The following SPAG9 variants were observed in gnomAD, a reference collection of about 807,000 sequenced individuals.
The protein encoded by SPAG9 is sperm associated antigen 9, also known as C-Jun-amino-terminal kinase-interacting protein 4.
SPAG9 carries 35 observed loss-of-function variants against 166.5 expected under a neutral mutation model. The observed-to-expected ratio is 0.21, with a 90% CI of 0.16 to 0.28. The LOEUF is 0.28. SPAG9 is among the 10% of genes least tolerant of loss of function. The pLI is 1.00. For missense variants in SPAG9, 1,235 were observed against 1,603.3 expected (o/e 0.77, Z 3.92); for synonymous variants, 534 against 565.5 (o/e 0.94, Z 0.79).
chr17:50,967,875 G>GT (rs1973479092), intron 29 of SPAG9, among the ~76,000 whole-genome samples: 1 of 152,192 alleles, frequency 6.6e-6, no homozygotes, highest in African/African-American at 2.4e-5. Context: ...AGACAAGTCT[G>GT]TTTTTCAGGC....
chr17:51,066,029 T>C (rs1235765645), intron 2 of SPAG9, among the ~76,000 whole-genome samples: 1 of 152,216 alleles, frequency 6.6e-6, no homozygotes, highest in Non-Finnish European at 1.5e-5. Flanking sequence ...TAGCTTAACA[T>C]ATATCAGCTT....
intron 4 of SPAG9, among the ~76,000 whole-genome samples, chr17:51,042,107 T>C (rs756131268): frequency 6.6e-6 from 1 of 152,184 alleles, no homozygotes; most frequent in African/African-American, 2.4e-5. Context: ...CTTTCCTGCC[T>C]AGAGGAAAAT....
chr17:51,102,839 G>T (rs2048844524), intron 1 of SPAG9, among the ~76,000 whole-genome samples: 1 of 152,046 alleles, frequency 6.6e-6, no homozygotes, highest in African/African-American at 2.4e-5. Flanking sequence ...TAGAGATGGG[G>T]TCTCGCTATG....
intron 1 of SPAG9, among the ~76,000 whole-genome samples, chr17:51,080,360 C>T (rs1263989229): frequency 6.8e-6 from 1 of 147,236 alleles, no homozygotes; most frequent in African/African-American, 2.5e-5. Flanking sequence ...TCTTGGTCTT[C>T]TTTGGTAGTA....
At chr17:50,991,952 T>TTTA (rs61110442) in intron 19 of SPAG9, among the ~76,000 whole-genome samples, 11 of 107,506 alleles carry the variant, frequency 1.0e-4, no homozygotes, top group East Asian at 2.1e-4. Context: ...TTTTTTTTTT[T>TTTA]AAAACACAGG....
rs2048935190 is a variant in SPAG9, at chr17:51,105,877, AG to A, written c.303+14476del. Among the ~76,000 whole-genome samples the A allele has an allele frequency of 4.0e-5, 6 of 151,320 alleles. No individual in the cohort carries two copies. The South Asian group carries it at 1.2e-3, about 31-fold the overall frequency. ...AGAGCAGGCTGTCTCAAAAAAAAAG[AG>A]AAAAAGAAAAAACACTTAAAGCTTA... On this transcript the variant is annotated intron_variant, in intron 1 of 29. Coordinates refer to ENST00000262013, the MANE Select transcript of SPAG9 (RefSeq NM_001130528.3).
At chr17:51,050,282 G>C (rs1269245998) in intron 3 of SPAG9, among the ~76,000 whole-genome samples, 1 of 152,164 alleles carries the variant, frequency 6.6e-6, no homozygotes, top group Non-Finnish European at 1.5e-5. Flanking sequence ...AAAGAAAAGA[G>C]AGAACAATAA....
chr17:51,064,876 C>A (rs2047617634), intron 2 of SPAG9, among the ~76,000 whole-genome samples: 1 of 152,244 alleles, frequency 6.6e-6, no homozygotes, highest in African/African-American at 2.4e-5. Context: ...AATCCCAGCA[C>A]TTTGGGAGGC....
intron 4 of SPAG9, chr17:51,046,549 T>C (rs751672003): frequency 1.0e-5 from 16 of 1,535,722 alleles, no homozygotes; most frequent in East Asian, 4.9e-5. Context: ...CCGGTAGAAA[T>C]AGAAAAGTGC....
chr17:50,999,762 T>A, intron 13 of SPAG9, 45 bp from the exon 14 acceptor site: 1 of 1,528,488 alleles, frequency 6.5e-7, no homozygotes, highest in Non-Finnish European at 9.0e-7. Context: ...CAGTGAGGTA[T>A]TCTACCTTTC....
At chr17:51,061,225 T>C (rs938623246) in intron 2 of SPAG9, among the ~76,000 whole-genome samples, 1 of 152,194 alleles carries the variant, frequency 6.6e-6, no homozygotes, top group African/African-American at 2.4e-5. Flanking sequence ...CAAAACATTA[T>C]AATGCCACAA....
intron 1 of SPAG9, among the ~76,000 whole-genome samples, chr17:51,099,142 A>G (rs1370534476): frequency 4.0e-5 from 6 of 150,384 alleles, no homozygotes; most frequent in Non-Finnish European, 3.0e-5. Context: ...CCATTACTAC[A>G]GTGAAAATTG....
intron 1 of SPAG9, among the ~76,000 whole-genome samples, chr17:51,095,957 TGA>T (rs2048616927): frequency 3.2e-5 from 3 of 94,404 alleles, no homozygotes; most frequent in African/African-American, 1.4e-4. Context: ...ATATATATAG[TGA>T]TATATATATA....
chr17:51,049,512 C>T (rs1395273753), intron 3 of SPAG9, among the ~76,000 whole-genome samples: 1 of 151,830 alleles, frequency 6.6e-6, no homozygotes, highest in Non-Finnish European at 1.5e-5. Context: ...CCTGTCTCTA[C>T]AAAAAAATTT....
intron 8 of SPAG9, among the ~76,000 whole-genome samples, chr17:51,018,197 A>C (rs1223822918): frequency 1.3e-5 from 2 of 150,648 alleles, no homozygotes; most frequent in Non-Finnish European, 3.0e-5. Context: ...CTAAAAATAC[A>C]AAAAGTAGCC....
chr17:51,101,041 G>C (rs17572921), intron 1 of SPAG9, among the ~76,000 whole-genome samples: 1 of 151,946 alleles, frequency 6.6e-6, no homozygotes, highest in Non-Finnish European at 1.5e-5. Flanking sequence ...ATAGGCAATC[G>C]TCTTTTTAAA....
intron 1 of SPAG9, among the ~76,000 whole-genome samples, chr17:51,115,214 A>G (rs1417275541): frequency 6.6e-6 from 1 of 152,114 alleles, no homozygotes; most frequent in Non-Finnish European, 1.5e-5. Context: ...GGTAAGAAAC[A>G]GGGTCTTGCC....
intron 24 of SPAG9, among the ~76,000 whole-genome samples, chr17:50,983,930 CA>C (rs1974835208): frequency 6.6e-6 from 1 of 152,262 alleles, no homozygotes; most frequent in South Asian, 2.1e-4. Flanking sequence ...CAATCAATTA[CA>C]AAAGCACCTA....
intron 21 of SPAG9, among the ~76,000 whole-genome samples, chr17:50,989,022 G>A (rs2143806212): frequency 6.6e-6 from 1 of 151,140 alleles, no homozygotes; most frequent in East Asian, 1.9e-4. Context: ...ATTACTTATA[G>A]AATGGAAGAC....
Sources: gnomAD v4.1 joint callset for allele counts (sites outside exome capture counted in the v4.1 genomes callset) on GRCh38, gnomAD v4.1.1 for gene constraint, MANE v1.5 for transcripts, NCBI Gene and HGNC (gene_info 2026-07-23, HGNC 2026-07-21) for gene names.